The following ASCC2 variants were observed in gnomAD, a reference collection of about 807,000 sequenced individuals.
ASCC2 encodes ASC-1 complex subunit P100.
A neutral mutation model predicts 93.5 loss-of-function variants in ASCC2; 42 were observed. The observed-to-expected ratio is 0.45, with a 90% CI of 0.35 to 0.58. The LOEUF is 0.58. ASCC2 is among the 20% of genes least tolerant of loss of function. The probability of loss-of-function intolerance (pLI) is 0.00; values close to 1 mark genes in which losing one functional copy is unlikely to be tolerated. For missense variants in ASCC2, 859 were observed against 977.6 expected, an observed-to-expected ratio of 0.88 and a Z score of 1.62; for synonymous variants, 364 against 384.2, an observed-to-expected ratio of 0.95 and a Z score of 0.62.
chr22:29,808,809 C>CAAA (rs564026837), intron 8 of ASCC2, among the ~76,000 whole-genome samples: 7 of 104,596 alleles, frequency 6.7e-5, no homozygotes, highest in African/African-American at 1.6e-4. Flanking sequence ...GACCCTATCT[C>CAAA]AAAAAAAAAA....
At chr22:29,807,990 G>T in intron 9 of ASCC2, 121 bp downstream of exon 9, 3 of 930,090 alleles carry the variant, frequency 3.2e-6, no homozygotes, top group Non-Finnish European at 5.0e-6. Context: ...GCTCAAAGCT[G>T]CACAGTCCCT....
intron 10 of ASCC2, 56 bp downstream of exon 10, chr22:29,806,741 C>A: frequency 1.3e-6 from 2 of 1,521,488 alleles, no homozygotes; most frequent in Non-Finnish European, 1.8e-6. Context: ...TGGAAACGCT[C>A]CTGAAGGGCT....
chr22:29,809,656 G>C (rs1241523172), intron 8 of ASCC2, among the ~76,000 whole-genome samples: 1 of 151,964 alleles, frequency 6.6e-6, no homozygotes, highest in Non-Finnish European at 1.5e-5. Flanking sequence ...GCGGGCACCT[G>C]TAATCCCAGC....
intron 8 of ASCC2, chr22:29,810,397 C>G (rs1219704413): frequency 6.6e-6 from 1 of 152,210 alleles, no homozygotes; most frequent in Non-Finnish European, 1.5e-5. Context: ...TAAACACATG[C>G]CTGTCAGTTG....
chr22:29,806,027 C>T (rs1032787226), intron 12 of ASCC2, among the ~76,000 whole-genome samples, 189 bp downstream of exon 12: 1 of 152,100 alleles, frequency 6.6e-6, no homozygotes, highest in Admixed American at 6.6e-5. Flanking sequence ...TCCCCTGCCC[C>T]AAGCATCAGA....
chr22:29,789,278 G>A, intron 19 of ASCC2, 94 bp from the exon 20 acceptor site: 1 of 1,456,086 alleles, frequency 6.9e-7, no homozygotes, highest in Non-Finnish European at 9.5e-7. Flanking sequence ...CACTGGGAGA[G>A]GACACAGACT....
At chr22:29,815,726 G>A (rs1053294438) in intron 6 of ASCC2, among the ~76,000 whole-genome samples, 2 of 152,160 alleles carry the variant, frequency 1.3e-5, no homozygotes, top group Non-Finnish European at 2.9e-5. Context: ...ATCCTTAGAG[G>A]CATATGGCTG....
chr22:29,832,930 A>G (rs1451151966), intron 1 of ASCC2, among the ~76,000 whole-genome samples: 2 of 151,988 alleles, frequency 1.3e-5, no homozygotes, highest in Admixed American at 6.6e-5. Context: ...TTGTAGAGAC[A>G]GGTTTTATTT....
chr22:29,834,357 C>A, intron 1 of ASCC2: 1 of 377,744 alleles, frequency 2.6e-6, no homozygotes, highest in Admixed American at 3.6e-5. Context: ...GAGGAAACAG[C>A]AGAGCAAAGG....
chr22:29,805,548 C>T lies in ASCC2; in HGVS notation c.1160+668G>A, dbSNP rs1221413018. Among the ~76,000 whole-genome samples, 9 of 152,184 alleles carry T rather than the reference C, an allele frequency of 5.9e-5. No homozygotes were observed. In the East Asian group the frequency reaches 1.2e-3, roughly 20 times the overall value. On this transcript the variant is annotated intron_variant, in intron 12 of 19. Coordinates refer to ENST00000307790, the MANE Select transcript of ASCC2 (RefSeq NM_032204.5). Reference sequence around the variant, plus strand: ...CTTCACAACCTTCCGCGCTCCCCAGCGCTTGCAGGACAGAGCCCAAACTTC... The same window carrying T: ...CTTCACAACCTTCCGCGCTCCCCAGTGCTTGCAGGACAGAGCCCAAACTTC...
chr22:29,814,730 C>T lies in ASCC2; in HGVS notation c.647G>A (p.Gly216Glu). 6.2e-7 allele frequency: 1 copy of T among 1,609,420 alleles called. No individual in the cohort carries two copies. The highest frequency in any genetic ancestry group is 8.5e-7 in the Non-Finnish European group (1 of 1,178,106). The change falls in exon 7 of 20, where the codon GGG becomes GAG. Residue 216 changes from glycine to glutamate, a missense_variant. Physicochemically the swap from Gly to Glu is moderately conservative, Grantham distance 98. Coordinates refer to ENST00000307790, the MANE Select transcript of ASCC2 (RefSeq NM_032204.5). ...SNILQHCGLQ[G>E]DGANTTPQKL... ...CTGGGGTGTGGTATTGGCCCCGTCCCCTTGCAAACCACAGTGCTGGAGGAT... is the reference window on the plus strand; with the variant it reads ...CTGGGGTGTGGTATTGGCCCCGTCCTCTTGCAAACCACAGTGCTGGAGGAT...
At position 29,816,031 on chromosome 22, in the gene ASCC2, T is replaced by C. The variant is rs761330430; in HGVS notation, c.584A>G (p.Asp195Gly). ...TQQPSYYSDL[D>G]ETLPTILQVF... Reference sequence around the variant, plus strand: ...CTGAAGGATGGTAGGCAGGGTTTCATCCAGGTCACTGTAGTAACTTGGCTG... The same window carrying C: ...CTGAAGGATGGTAGGCAGGGTTTCACCCAGGTCACTGTAGTAACTTGGCTG... The change falls in exon 6 of 20, where the codon GAT becomes GGT. Residue 195 changes from aspartate (D) to glycine (G), a missense_variant. By Grantham distance (94) the Asp-to-Gly change is moderately conservative. Coordinates refer to ENST00000307790, the MANE Select transcript of ASCC2 (RefSeq NM_032204.5). 3.8e-6 allele frequency: 6 copies of C among 1,598,620 alleles called. No homozygotes were observed. In the African/African-American group the frequency reaches 8.0e-5, roughly 21 times the overall value.
At chr22:29,834,825 C>T (rs1037203483) in intron 1 of ASCC2, among the ~76,000 whole-genome samples, 3 of 147,124 alleles carry the variant, frequency 2.0e-5, no homozygotes, top group Non-Finnish European at 4.4e-5. Flanking sequence ...GCTCTTGTGC[C>T]GAATATGTTA....
At chr22:29,837,694 C>A (rs894937456) in intron 1 of ASCC2, among the ~76,000 whole-genome samples, 1 of 152,190 alleles carries the variant, frequency 6.6e-6, no homozygotes, top group South Asian at 2.1e-4. Flanking sequence ...TCCTCAGAGA[C>A]CTTCTGATGG....
chr22:29,815,119 AC>A, intron 6 of ASCC2: 1 of 217,166 alleles, frequency 4.6e-6, no homozygotes, highest in Non-Finnish European at 9.1e-6. Context: ...ACATGGTGAG[AC>A]CCCCATCTCC....
At chr22:29,830,837 A>C (rs952779217) in intron 2 of ASCC2, among the ~76,000 whole-genome samples, 77 of 152,306 alleles carry the variant, frequency 5.1e-4, no homozygotes, top group African/African-American at 1.8e-3. Context: ...TGCGCCTGGC[A>C]CTGGAAATCA....
At position 29,808,193 on chromosome 22, in the gene ASCC2, G is replaced by A. The variant is rs2059901590; in HGVS notation, c.834-8C>T. Reference sequence around the variant, plus strand: ...TCGTAGAAGGAAGCTAGTCTGTGCAGGCACACACAGGGAAAATGTTGGATT... The same window carrying A: ...TCGTAGAAGGAAGCTAGTCTGTGCAAGCACACACAGGGAAAATGTTGGATT... On this transcript the variant is annotated splice_region_variant and splice_polypyrimidine_tract_variant and intron_variant, in intron 8 of 19. Transcript: ENST00000307790. The A allele has an allele frequency of 2.5e-6, 4 of 1,613,808 alleles. No individual in the cohort carries two copies. In the African/African-American group the frequency reaches 5.3e-5, roughly 22 times the overall value.
At chr22:29,803,996 C>T (rs927715685) in intron 13 of ASCC2, among the ~76,000 whole-genome samples, 18 of 152,220 alleles carry the variant, frequency 1.2e-4, no homozygotes, top group Non-Finnish European at 2.9e-5. Flanking sequence ...CAAGGTTCAA[C>T]GTGAGTGACG....
At chr22:29,797,563 C>T (rs77972992) in intron 15 of ASCC2, among the ~76,000 whole-genome samples, 7,080 of 152,238 alleles carry the variant, frequency 0.047, 566 homozygotes, top group African/African-American at 0.16. Context: ...CCCTTAACCT[C>T]GCTAAGTCTC....
Sources: gnomAD v4.1 joint callset for allele counts (sites outside exome capture counted in the v4.1 genomes callset) on GRCh38, gnomAD v4.1.1 for gene constraint, MANE v1.5 for transcripts, NCBI Gene and HGNC (gene_info 2026-07-23, HGNC 2026-07-21) for gene names.